The following CTNNA3 variants were observed in gnomAD, a reference collection of about 807,000 sequenced individuals.
CTNNA3 encodes the protein catenin alpha-3.
Under a neutral mutation model 95.7 loss-of-function variants are expected in CTNNA3, and 76 were observed. The observed-to-expected ratio is 0.79, with a 90% CI of 0.66 to 0.96. The LOEUF (loss-of-function observed/expected upper bound fraction) is 0.96, where lower values mean the gene tolerates loss of function less well. Ranked by LOEUF, CTNNA3 falls within the 40% of genes least tolerant of loss-of-function variation. The probability of loss-of-function intolerance (pLI) is 0.00; values close to 1 mark genes in which losing one functional copy is unlikely to be tolerated. For synonymous variants in CTNNA3, 431 were observed against 374.4 expected (o/e 1.15, Z -1.74); for missense variants, 1,191 against 1,089.8 (o/e 1.09, Z -1.31).
chr10:67,284,276 C>T (rs1270194436), intron 5 of CTNNA3, among the ~76,000 whole-genome samples: 1 of 152,130 alleles, frequency 6.6e-6, no homozygotes, highest in Non-Finnish European at 1.5e-5. Context: ...TTTCAGATGT[C>T]CCCACTCTGC....
At chr10:66,360,758 TCC>T (rs767556400) in intron 12 of CTNNA3, among the ~76,000 whole-genome samples, 3 of 136,470 alleles carry the variant, frequency 2.2e-5, no homozygotes, top group Non-Finnish European at 3.2e-5. Flanking sequence ...CTTCCTTCCT[TCC>T]TTCCTTCCTT....
intron 5 of CTNNA3, among the ~76,000 whole-genome samples, chr10:67,231,926 A>C (rs1865230934): frequency 6.6e-6 from 1 of 152,342 alleles, no homozygotes; most frequent in African/African-American, 2.4e-5. Flanking sequence ...GGAAGATGAA[A>C]TGAATGAAAT....
chr10:67,337,759 C>G (rs996412301), intron 5 of CTNNA3, among the ~76,000 whole-genome samples: 1 of 152,182 alleles, frequency 6.6e-6, no homozygotes, highest in African/African-American at 2.4e-5. Context: ...AGACCCTTCA[C>G]TAGCAGAAAG....
chr10:67,474,634 AG>A (rs1026998418), intron 5 of CTNNA3, among the ~76,000 whole-genome samples: 5 of 152,256 alleles, frequency 3.3e-5, no homozygotes, highest in African/African-American at 1.2e-4. Context: ...CACTAAAAAA[AG>A]ATCTATGGAA....
At chr10:67,091,665 T>C (rs1466009859) in intron 7 of CTNNA3, among the ~76,000 whole-genome samples, 1 of 152,072 alleles carries the variant, frequency 6.6e-6, no homozygotes, top group Non-Finnish European at 1.5e-5. Flanking sequence ...AAGGTAATGA[T>C]ACTTTGAGCC....
intron 10 of CTNNA3, among the ~76,000 whole-genome samples, chr10:66,600,666 A>G (rs1327322880): frequency 6.6e-6 from 1 of 151,856 alleles, no homozygotes; most frequent in Non-Finnish European, 1.5e-5. Context: ...ATCAAATCTT[A>G]CCAAGTATGA....
chr10:67,659,144 T>C (rs1016133917), intron 1 of CTNNA3, among the ~76,000 whole-genome samples: 1 of 151,914 alleles, frequency 6.6e-6, no homozygotes, highest in African/African-American at 2.4e-5. Context: ...ATATGAAATA[T>C]GAAAACAAAG....
intron 7 of CTNNA3, among the ~76,000 whole-genome samples, chr10:67,138,009 C>G (rs951788088): frequency 2.2e-4 from 33 of 152,000 alleles, no homozygotes; most frequent in Non-Finnish European, 3.8e-4. Context: ...TTGGGATATG[C>G]CATCCTCCAG....
chr10:66,421,897 GAT>G (rs35513829), intron 11 of CTNNA3, among the ~76,000 whole-genome samples: 32,756 of 108,002 alleles, frequency 0.3, 6,367 homozygotes, highest in African/African-American at 0.48. Flanking sequence ...TAATAAATGT[GAT>G]ATATATATAT....
chr10:66,360,812 CCTTCCTTTCTTTCTTTCTTTCTTTCTTT>C (rs1307597555), intron 12 of CTNNA3, among the ~76,000 whole-genome samples: 2 of 52,288 alleles, frequency 3.8e-5, no homozygotes, highest in Non-Finnish European at 7.0e-5. Flanking sequence ...TTCCTTCCTT[CCTTCCTTTCTTTCTTTCTTTCTTTCTTT>C]CTTTCTTTCT....
intron 5 of CTNNA3, 42 bp downstream of exon 5, chr10:67,521,800 A>G: frequency 6.3e-7 from 1 of 1,597,724 alleles, no homozygotes. Context: ...CAGGAAGCCT[A>G]AAGTGTTCAT....
chr10:67,726,848 T>C (rs1184975615), intron 1 of CTNNA3, among the ~76,000 whole-genome samples: 1 of 113,916 alleles, frequency 8.8e-6, no homozygotes, highest in Non-Finnish European at 1.6e-5. Flanking sequence ...ATATATAGTA[T>C]AATTATACAT....
At chr10:66,404,388 T>C (rs2132570667) in intron 11 of CTNNA3, among the ~76,000 whole-genome samples, 1 of 152,256 alleles carries the variant, frequency 6.6e-6, no homozygotes, top group East Asian at 1.9e-4. Flanking sequence ...GTCTCAGTAG[T>C]TTGATTTTGT....
chr10:66,448,858 T>C (rs186757370), intron 11 of CTNNA3, among the ~76,000 whole-genome samples: 139 of 151,964 alleles, frequency 9.1e-4, no homozygotes, highest in Non-Finnish European at 1.7e-3. Context: ...AATAAATAAA[T>C]AAAATTAAAC....
intron 7 of CTNNA3, among the ~76,000 whole-genome samples, chr10:66,889,289 T>C (rs1312996921): frequency 1.3e-5 from 2 of 152,224 alleles, no homozygotes; most frequent in Non-Finnish European, 2.9e-5. Context: ...GGTATGATAC[T>C]GTAATGGTAG....
At chr10:65,920,940 T>G (rs1169748762) in intron 17 of CTNNA3, among the ~76,000 whole-genome samples, 2 of 152,256 alleles carry the variant, frequency 1.3e-5, no homozygotes, top group African/African-American at 4.8e-5. Context: ...CTGCCTCATT[T>G]TTTTGTATCT....
At chr10:67,529,240 G>C (rs1840244165) in intron 4 of CTNNA3, among the ~76,000 whole-genome samples, 1 of 151,976 alleles carries the variant, frequency 6.6e-6, no homozygotes, top group South Asian at 2.1e-4. Context: ...TAACATAATA[G>C]AAAGACCATA....
chr10:67,208,222 C>CA (rs201097735), intron 6 of CTNNA3, among the ~76,000 whole-genome samples: 6,327 of 150,548 alleles, frequency 0.042, 163 homozygotes, highest in South Asian at 0.089. Context: ...AACACACACA[C>CA]AAAAAAAATT....
At chr10:65,999,889 G>A (rs1425650968) in intron 15 of CTNNA3, among the ~76,000 whole-genome samples, 1 of 149,600 alleles carries the variant, frequency 6.7e-6, no homozygotes, top group African/African-American at 2.5e-5. Context: ...GAAACCAGAG[G>A]CCAGAAGTCT....
Sources: gnomAD v4.1 joint callset for allele counts (sites outside exome capture counted in the v4.1 genomes callset) on GRCh38, gnomAD v4.1.1 for gene constraint, MANE v1.5 for transcripts, NCBI Gene and HGNC (gene_info 2026-07-23, HGNC 2026-07-21) for gene names.